The following UFSP2 variants were observed in gnomAD, a reference collection of about 807,000 sequenced individuals.
UFSP2 encodes UFM1 specific peptidase 2.
A neutral mutation model predicts 60.2 loss-of-function variants in UFSP2; 43 were observed. The observed-to-expected ratio is 0.71, with a 90% CI of 0.56 to 0.92. The LOEUF is 0.92. Ranked by LOEUF, UFSP2 falls within the 40% of genes least tolerant of loss-of-function variation. The pLI, the probability that UFSP2 is intolerant of heterozygous loss-of-function variation, is 0.00. For missense variants in UFSP2, 520 were observed against 575.0 expected (o/e 0.90, Z 0.98); for synonymous variants, 183 against 195.1 (o/e 0.94, Z 0.52).
chr4:185,406,469 G>T (rs566296298), intron 9 of UFSP2, among the ~76,000 whole-genome samples: 1 of 152,128 alleles, frequency 6.6e-6, no homozygotes, highest in Non-Finnish European at 1.5e-5. Context: ...GAAGGTGCCC[G>T]GTGGTGCTAA....
At chr4:185,404,655 C>T (rs1045277983) in intron 10 of UFSP2, among the ~76,000 whole-genome samples, 1 of 151,650 alleles carries the variant, frequency 6.6e-6, no homozygotes, top group African/African-American at 2.4e-5. Flanking sequence ...TGGGCAATCC[C>T]GGCTCACTGC....
Position 185,415,255 on chromosome 4 carries a change from A to AC in UFSP2, c.583dup (p.Val195GlyfsTer3). 6.2e-7 allele frequency: 1 copy of AC among 1,602,650 alleles called. No homozygotes were observed. Among genetic ancestry groups the AC allele is most frequent in the Non-Finnish European group, 8.5e-7 (1 of 1,177,604 alleles). On this transcript the variant is annotated frameshift_variant, in exon 6 of 12. Coordinates refer to ENST00000264689, the MANE Select transcript of UFSP2 (RefSeq NM_018359.5). LOFTEE classifies it high-confidence loss of function. ...TAATAAAAAGTGCAGTGGTTCAGGG[A>AC]CCACAATAGATGTTCCTTTCATATA...
chr4:185,423,989 A>T (rs2153296711), intron 1 of UFSP2, among the ~76,000 whole-genome samples: 1 of 152,208 alleles, frequency 6.6e-6, no homozygotes, highest in Admixed American at 6.5e-5. Flanking sequence ...AAGTACTAAC[A>T]TTTACTGAGC....
intron 4 of UFSP2, among the ~76,000 whole-genome samples, chr4:185,417,945 G>C (rs893574223): frequency 1.3e-5 from 2 of 151,916 alleles, no homozygotes; most frequent in Non-Finnish European, 2.9e-5. Flanking sequence ...TCAGGAGGCC[G>C]AGGCAGGAGA....
At chr4:185,403,184 T>C (rs2095515267) in intron 11 of UFSP2, among the ~76,000 whole-genome samples, 1 of 152,240 alleles carries the variant, frequency 6.6e-6, no homozygotes, top group Admixed American at 6.5e-5. Flanking sequence ...TTTTAAGACA[T>C]TGATAAACTT....
chr4:185,408,210 G>A (rs2095523698), intron 8 of UFSP2, 61 bp downstream of exon 8: 1 of 1,565,238 alleles, frequency 6.4e-7, no homozygotes, highest in Non-Finnish European at 8.7e-7. Context: ...AATTATCAAT[G>A]GTATATTAAG....
intron 2 of UFSP2, among the ~76,000 whole-genome samples, chr4:185,420,419 T>C (rs2095547336): frequency 6.6e-6 from 1 of 152,202 alleles, no homozygotes; most frequent in African/African-American, 2.4e-5. Context: ...ATACTCATCT[T>C]AGCCTTACAT....
At chr4:185,412,484 G>T (rs2095531063) in intron 7 of UFSP2, among the ~76,000 whole-genome samples, 1 of 152,082 alleles carries the variant, frequency 6.6e-6, no homozygotes, top group Non-Finnish European at 1.5e-5. Flanking sequence ...CGCTCAGAAG[G>T]TATTAATAAA....
intron 7 of UFSP2, among the ~76,000 whole-genome samples, chr4:185,410,697 A>G (rs1407920849): frequency 6.6e-6 from 1 of 151,678 alleles, no homozygotes; most frequent in Admixed American, 6.6e-5. Context: ...CTGTAATCCC[A>G]GCACTTTGGG....
chr4:185,413,718 A>G lies in UFSP2; in HGVS notation c.831+8T>C, dbSNP rs1163543135. 2 of 1,600,764 alleles carry G rather than the reference A, an allele frequency of 1.2e-6. No homozygotes were observed. The highest frequency in any genetic ancestry group is 1.8e-5 in the Admixed American group (1 of 56,202). ...CAGTGACTCCCATAAATAATTAGTT[A>G]AACTCACCATACCAGTCTCCATGTT... On this transcript the variant is annotated splice_region_variant and intron_variant, in intron 7 of 11. Coordinates refer to ENST00000264689, the MANE Select transcript of UFSP2 (RefSeq NM_018359.5).
At chr4:185,422,944 C>T (rs538598643) in intron 1 of UFSP2, among the ~76,000 whole-genome samples, 10 of 152,292 alleles carry the variant, frequency 6.6e-5, no homozygotes, top group South Asian at 2.1e-4. Context: ...CTGCAACCTC[C>T]GCCTCCTGGG....
At chr4:185,404,639 G>A (rs549216853) in intron 10 of UFSP2, among the ~76,000 whole-genome samples, 2 of 151,482 alleles carry the variant, frequency 1.3e-5, no homozygotes, top group East Asian at 1.9e-4. Context: ...CCAGGCTGGA[G>A]TACAGTGGGC....
intron 7 of UFSP2, among the ~76,000 whole-genome samples, chr4:185,411,650 T>C (rs1041463398): frequency 5.9e-5 from 9 of 152,184 alleles, no homozygotes; most frequent in African/African-American, 2.2e-4. Context: ...ATAATTTTCC[T>C]TGAAATGGTT....
intron 11 of UFSP2, chr4:185,402,317 A>T (rs760904812): frequency 2.9e-5 from 13 of 455,342 alleles, no homozygotes; most frequent in South Asian, 2.0e-4. Context: ...CAGTCAAAAA[A>T]CCTTTTATAG....
chr4:185,416,911 T>TA (rs1460154088), intron 4 of UFSP2, among the ~76,000 whole-genome samples: 1 of 152,236 alleles, frequency 6.6e-6, no homozygotes. Context: ...CACCACTTTG[T>TA]AATCACCAGA....
chr4:185,424,289 G>C (rs1179421479), intron 1 of UFSP2, among the ~76,000 whole-genome samples: 1 of 152,120 alleles, frequency 6.6e-6, no homozygotes, highest in African/African-American at 2.4e-5. Flanking sequence ...CTAAGCAACA[G>C]AGCAAGATCT....
At chr4:185,402,619 G>A (rs1323621301) in intron 11 of UFSP2, among the ~76,000 whole-genome samples, 3 of 152,020 alleles carry the variant, frequency 2.0e-5, no homozygotes, top group Non-Finnish European at 4.4e-5. Flanking sequence ...AAGATTATAG[G>A]CGCCCACCAC....
At chr4:185,424,379 C>T (rs1184982005) in intron 1 of UFSP2, among the ~76,000 whole-genome samples, 1 of 152,186 alleles carries the variant, frequency 6.6e-6, no homozygotes, top group East Asian at 1.9e-4. Flanking sequence ...CTCCAATCCT[C>T]AGAACAGTAT....
intron 9 of UFSP2, 114 bp from the exon 10 acceptor site, chr4:185,405,970 A>G (rs764386664): frequency 4.5e-6 from 7 of 1,555,360 alleles, no homozygotes; most frequent in Non-Finnish European, 6.1e-6. Context: ...CTGAAAAAAT[A>G]TATAAATGTA....
Sources: gnomAD v4.1 joint callset for allele counts (sites outside exome capture counted in the v4.1 genomes callset) on GRCh38, gnomAD v4.1.1 for gene constraint, MANE v1.5 for transcripts, NCBI Gene and HGNC (gene_info 2026-07-23, HGNC 2026-07-21) for gene names.